The following RANBP2 variants were observed in gnomAD, a reference collection of about 807,000 sequenced individuals.
RANBP2 encodes the protein RAN binding protein 2, also known as E3 SUMO-protein ligase RanBP2.
Under a neutral mutation model 303.6 loss-of-function variants are expected in RANBP2, and 57 were observed. That is an observed-to-expected ratio of 0.19 (90% confidence interval 0.15 to 0.23). The LOEUF is 0.23. Among genes scored for constraint, RANBP2 ranks in the 10% least tolerant of loss-of-function variants. The pLI is 1.00. For synonymous variants in RANBP2, 1,167 were observed against 1,301.5 expected (o/e 0.90, Z 2.23); for missense variants, 3,138 against 3,780.8 (o/e 0.83, Z 4.46).
chr2:109,490,698 C>T, the RANBP2 span: 76 of 1,533,792 alleles, frequency 5.0e-5, no homozygotes, highest in African/African-American at 9.9e-4. Flanking sequence ...AACCCACGAC[C>T]CCCAGGTGGC....
At chr2:109,417,181 A>T in the RANBP2 span, among the ~76,000 whole-genome samples, 1 of 152,306 alleles carries the variant, frequency 6.6e-6, no homozygotes, top group South Asian at 2.1e-4. Context: ...TCCTCTGCGC[A>T]GATGCCTGGG....
the RANBP2 span, among the ~76,000 whole-genome samples, chr2:109,478,524 C>T: frequency 9.8e-4 from 149 of 152,286 alleles, no homozygotes; most frequent in African/African-American, 3.5e-3. Context: ...GAGGTTCAGT[C>T]CTTGGCATTT....
chr2:108,974,192 T>C, the RANBP2 span, among the ~76,000 whole-genome samples: 1 of 150,506 alleles, frequency 6.6e-6, no homozygotes, highest in African/African-American at 2.4e-5. Context: ...TAGCTGGGCG[T>C]GGTGGCAGGC....
At chr2:108,762,025 T>C (rs1676766601) in intron 18 of RANBP2, 76 bp from the exon 19 acceptor site, 5 of 1,570,374 alleles carry the variant, frequency 3.2e-6, no homozygotes, top group African/African-American at 1.4e-5. Flanking sequence ...TTTGTATTTA[T>C]AGCTCTTGCC....
At chr2:108,735,180 A>T (rs1156392428) in intron 4 of RANBP2, among the ~76,000 whole-genome samples, 2 of 152,134 alleles carry the variant, frequency 1.3e-5, no homozygotes, top group Non-Finnish European at 2.9e-5. Flanking sequence ...ATTTAAGGAG[A>T]TACAGAGCAG....
intron 7 of RANBP2, among the ~76,000 whole-genome samples, chr2:108,742,307 CTTTTTA>C (rs1334334901): frequency 6.6e-6 from 1 of 150,892 alleles, no homozygotes; most frequent in African/African-American, 2.4e-5. Flanking sequence ...TAATATAAAT[CTTTTTA>C]TTTTTATTTG....
the RANBP2 span, among the ~76,000 whole-genome samples, chr2:109,264,170 G>C: frequency 1.1e-4 from 17 of 148,172 alleles, no homozygotes; most frequent in East Asian, 3.4e-3. Flanking sequence ...ACCTCCCCAG[G>C]ATCCACCCCA....
the RANBP2 span, among the ~76,000 whole-genome samples, chr2:108,816,706 T>A: frequency 2.6e-5 from 4 of 152,114 alleles, no homozygotes; most frequent in African/African-American, 9.7e-5. Context: ...TAAAAAGCTT[T>A]TGTGTTAGAG....
the RANBP2 span, among the ~76,000 whole-genome samples, chr2:109,401,316 G>C: frequency 3.3e-5 from 5 of 152,324 alleles, no homozygotes; most frequent in African/African-American, 9.6e-5. Context: ...GCAGGTTTGA[G>C]GGGTACCCCT....
the RANBP2 span, among the ~76,000 whole-genome samples, chr2:109,381,638 A>G: frequency 6.6e-6 from 1 of 151,940 alleles, no homozygotes; most frequent in Non-Finnish European, 1.5e-5. Flanking sequence ...CGCAAACTTC[A>G]GTGAGCATTT....
At chr2:109,018,169 C>T in the RANBP2 span, among the ~76,000 whole-genome samples, 2 of 152,156 alleles carry the variant, frequency 1.3e-5, no homozygotes, top group African/African-American at 4.8e-5. Flanking sequence ...TCCATGACGA[C>T]TTCAGTGAAA....
chr2:109,452,767 G>A, the RANBP2 span, among the ~76,000 whole-genome samples: 1 of 151,482 alleles, frequency 6.6e-6, no homozygotes, highest in Non-Finnish European at 1.5e-5. Flanking sequence ...GTGCTGGCAG[G>A]CTGGTCCCAG....
chr2:108,950,252 C>G, the RANBP2 span, among the ~76,000 whole-genome samples: 27 of 150,066 alleles, frequency 1.8e-4, no homozygotes, highest in Admixed American at 5.3e-4. Flanking sequence ...CCCTCCCTCC[C>G]TCCATTCCTT....
At chr2:109,723,799 T>A in the RANBP2 span, among the ~76,000 whole-genome samples, 1 of 152,204 alleles carries the variant, frequency 6.6e-6, no homozygotes, top group Non-Finnish European at 1.5e-5. Flanking sequence ...ATTTTTGCTT[T>A]TGTTGCAATT....
the RANBP2 span, among the ~76,000 whole-genome samples, chr2:109,056,867 G>A: frequency 6.6e-6 from 1 of 152,214 alleles, no homozygotes; most frequent in Non-Finnish European, 1.5e-5. Flanking sequence ...GTCCTCCCAA[G>A]ACCAAAGTGA....
the RANBP2 span, among the ~76,000 whole-genome samples, chr2:109,006,871 A>G: frequency 2.0e-5 from 3 of 152,268 alleles, no homozygotes; most frequent in Non-Finnish European, 2.9e-5. Flanking sequence ...ATGTTATACA[A>G]ACATGAGGAA....
the RANBP2 span, among the ~76,000 whole-genome samples, chr2:108,936,127 C>G: frequency 6.6e-6 from 1 of 152,238 alleles, no homozygotes; most frequent in Non-Finnish European, 1.5e-5. Flanking sequence ...TTGGGCCCCC[C>G]TTGACTGTGA....
chr2:109,695,441 A>C, the RANBP2 span, among the ~76,000 whole-genome samples: 1 of 152,322 alleles, frequency 6.6e-6, no homozygotes, highest in Middle Eastern at 3.4e-3. Flanking sequence ...GCTGAGATGC[A>C]GCATGAAAGC....
At chr2:108,780,334 A>G (rs1573853089) in intron 25 of RANBP2, among the ~76,000 whole-genome samples, 1 of 146,142 alleles carries the variant, frequency 6.8e-6, no homozygotes, top group East Asian at 2.0e-4. Context: ...CTGGGATTAC[A>G]GGCACCCGCC....
Sources: gnomAD v4.1 joint callset for allele counts (sites outside exome capture counted in the v4.1 genomes callset) on GRCh38, gnomAD v4.1.1 for gene constraint, MANE v1.5 for transcripts, NCBI Gene and HGNC (gene_info 2026-07-23, HGNC 2026-07-21) for gene names.